The following SPRY4 variants were observed in gnomAD, a reference collection of about 807,000 sequenced individuals.
The protein encoded by SPRY4 is protein sprouty homolog 4.
In SPRY4, 7 loss-of-function variants were observed where a neutral mutation model predicts 17.0. The ratio of observed to expected loss-of-function variants is 0.41; its 90% CI spans 0.23 to 0.77. SPRY4 has a LOEUF of 0.77. SPRY4 is among the 30% of genes least tolerant of loss of function. SPRY4 has a pLI of 0.32. For synonymous variants in SPRY4, 183 were observed against 174.1 expected, an observed-to-expected ratio of 1.05 and a Z score of -0.40; for missense variants, 435 against 419.9, an observed-to-expected ratio of 1.04 and a Z score of -0.31.
intron 1 of SPRY4, among the ~76,000 whole-genome samples, chr5:142,320,103 C>T (rs957881163): frequency 1.3e-5 from 2 of 152,314 alleles, no homozygotes; most frequent in African/African-American, 2.4e-5. Context: ...ACCACTATTG[C>T]TTGGTTCTTT....
At chr5:142,323,967 C>T (rs1036407615) in intron 1 of SPRY4, 6 of 152,448 alleles carry the variant, frequency 3.9e-5, no homozygotes, top group Admixed American at 2.0e-4. Context: ...CCTTATCTCT[C>T]CTACATTCGC....
intron 1 of SPRY4, chr5:142,318,266 C>T (rs1759227413): frequency 1.3e-6 from 1 of 797,710 alleles, no homozygotes; most frequent in Non-Finnish European, 1.5e-6. Flanking sequence ...AGGCAGATCA[C>T]TTGAGGTCAG....
Position 142,315,306 on chromosome 5 carries a change from G to A in SPRY4, c.-47-151C>T, listed in dbSNP as rs1484956709. 3 of 587,918 alleles carry A rather than the reference G, an allele frequency of 5.1e-6. No individual in the cohort carries two copies. The Admixed American group carries it at 8.9e-5, about 17-fold the overall frequency. 36.4% of individuals were successfully genotyped at this position (587,918 alleles called of 1,614,324 possible). On this transcript the variant is annotated intron_variant, in intron 1 of 1. Transcript: ENST00000434127. ...TGTGGACTTTCCAGTGACTCCCCAA[G>A]CTTAAGATGATTAATAATGACAAGA...
rs1759069164 is a variant in SPRY4 at position 142,314,594 on chromosome 5, G to A, written c.515C>T (p.Ser172Phe). Reference protein sequence around the residue: ...CGKCKCKECASPRTLPSCWVC... With the variant: ...CGKCKCKECAFPRTLPSCWVC... The stretch of plus-strand genomic sequence containing the variant: ...CCAGCAGGAAGGCAACGTCCGGGGG[G>A]ATGCACACTCCTTGCATTTACACTT... The change falls in exon 2 of 2, where the codon TCC becomes TTC. Residue 172 changes from serine (S) to phenylalanine (F), a missense_variant. By Grantham distance (155) the Ser-to-Phe change is radical. Coordinates refer to ENST00000434127, the MANE Select transcript of SPRY4 (RefSeq NM_001127496.3). The surrounding 1 kb of genome is among the most constrained non-coding windows in gnomAD (Gnocchi z 4.8). 5.6e-6 allele frequency: 9 copies of A among 1,614,238 alleles called. No homozygotes were observed. Among genetic ancestry groups the A allele is most frequent in the East Asian group, 4.5e-5 (2 of 44,892 alleles).
In SPRY4 at chr5:142,314,714, T is replaced by C. The variant is rs1383253174; in HGVS notation, c.395A>G (p.Gln132Arg). 1.9e-6 allele frequency: 3 copies of C among 1,613,418 alleles called. No homozygotes were observed. The highest frequency in any genetic ancestry group is 1.7e-6 in the Non-Finnish European group (2 of 1,179,558). Residue 132 changes from glutamine to arginine, a missense_variant, in exon 2 of 2, where the codon CAG becomes CGG. Physicochemically the swap from Gln to Arg is conservative, Grantham distance 43 (BLOSUM62 1). Coordinates refer to ENST00000434127, the MANE Select transcript of SPRY4 (RefSeq NM_001127496.3). The surrounding 1 kb of genome is among the most constrained non-coding windows in gnomAD (Gnocchi z 4.8). ...DQASPRAVRI[Q>R]PKVVHCQPLD... Reference sequence around the variant, plus strand: ...CGGCTGGCAGTGGACCACCTTGGGCTGGATGCGCACAGCCCTTGGTGAGGC... The same window carrying C: ...CGGCTGGCAGTGGACCACCTTGGGCCGGATGCGCACAGCCCTTGGTGAGGC...
rs2126987073 is a variant in SPRY4 at position 142,314,467 on chromosome 5, G to A, written c.642C>T (p.Asp214=). The A allele has an allele frequency of 8.7e-6, 14 of 1,614,162 alleles. No individual in the cohort carries two copies. Among genetic ancestry groups the A allele is most frequent in the Non-Finnish European group, 1.2e-5 (14 of 1,180,020 alleles). The change falls in exon 2 of 2, where the codon GAC becomes GAT. Residue 214 remains aspartate (D), a synonymous_variant. Transcript: ENST00000434127. The surrounding 1 kb of genome is among the most constrained non-coding windows in gnomAD (Gnocchi z 4.8). ...QGIFYHCTNE[D]DEGSCADHPC... is the part of the protein sequence containing the mutation. The stretch of plus-strand genomic sequence containing the variant: ...GGTGGTCAGCGCAGGAGCCCTCATC[G>A]TCCTCATTCGTGCAGTGGTAGAAGA...
intron 1 of SPRY4, chr5:142,318,161 A>G: frequency 1.0e-6 from 1 of 984,424 alleles, no homozygotes. Context: ...CAGCTAAATG[A>G]TGTCTCAAAA....
At chr5:142,319,626 C>G in intron 1 of SPRY4, 1 of 1,393,778 alleles carries the variant, frequency 7.2e-7, no homozygotes, top group Admixed American at 2.1e-5. Flanking sequence ...CACAGAGAGT[C>G]CTAGAATACT....
At chr5:142,317,599 C>T in intron 1 of SPRY4, 1 of 985,188 alleles carries the variant, frequency 1.0e-6, no homozygotes, top group Non-Finnish European at 1.2e-6. Context: ...TAAAAGACTC[C>T]CTTTCCTTAA....
rs1181373992 is a variant in SPRY4 at position 142,315,110 on chromosome 5, G to A, written c.-2C>T. The A allele has an allele frequency of 4.4e-6, 7 of 1,609,048 alleles. No individual in the cohort carries two copies. Among genetic ancestry groups the A allele is most frequent in the East Asian group, 2.2e-5 (1 of 44,848 alleles). ...GCTCTGTGGGATCGGGGGCTCCATGGGGCTGGAGGTCCTGGACTGTACGGA... is the reference window on the plus strand; with the variant it reads ...GCTCTGTGGGATCGGGGGCTCCATGAGGCTGGAGGTCCTGGACTGTACGGA... On this transcript the variant is annotated 5_prime_UTR_variant, in exon 2 of 2. Transcript: ENST00000434127.
In SPRY4 at chr5:142,317,118, C is replaced by A. The variant is rs184371352; in HGVS notation, c.-47-1963G>T. On this transcript the variant is annotated intron_variant, in intron 1 of 1. Coordinates refer to ENST00000434127, the MANE Select transcript of SPRY4 (RefSeq NM_001127496.3). ...TAGCCACTTGCCAAAGCAGCCTCCC[C>A]TGGAGATCCTGTGGTCAGGGCTGGA... 8.1e-6 allele frequency: 8 copies of A among 985,474 alleles called. No individual in the cohort carries two copies. In the African/African-American group the frequency reaches 1.2e-4, roughly 15 times the overall value. The allele number at this position is 985,474 out of a possible 1,614,324, so 61.0% of individuals were successfully genotyped here.
intron 1 of SPRY4, 71 bp from the exon 2 acceptor site, chr5:142,315,226 A>AC (rs1759110989): frequency 9.9e-6 from 10 of 1,011,078 alleles, no homozygotes; most frequent in Admixed American, 2.7e-5. Context: ...CCAATACCTC[A>AC]CCCCCCATCA....
In SPRY4 at chr5:142,317,406, C is replaced by G. The variant is rs543938101; in HGVS notation, c.-47-2251G>C. 2.0e-5 allele frequency: 20 copies of G among 985,392 alleles called. No homozygotes were observed. The East Asian group carries it at 4.5e-4, about 22-fold the overall frequency. 61.0% of individuals were successfully genotyped at this position (985,392 alleles called of 1,614,324 possible). A position where few individuals can be genotyped will look rare whatever the true frequency, so the allele number is the denominator to read the frequency against. On this transcript the variant is annotated intron_variant, in intron 1 of 1. Coordinates refer to ENST00000434127, the MANE Select transcript of SPRY4 (RefSeq NM_001127496.3). ...ATGCCACGGATAAGATTCTCCAGCA[C>G]CAGCCAGAACCCTCACCCCCGGACA...
chr5:142,321,477 A>G (rs1160811037), intron 1 of SPRY4, among the ~76,000 whole-genome samples: 3 of 152,116 alleles, frequency 2.0e-5, no homozygotes, highest in African/African-American at 7.2e-5. Flanking sequence ...AACATATTCT[A>G]ATGAGTCACT....
At chr5:142,319,807 A>T (rs1172340060) in intron 1 of SPRY4, 4 of 1,606,866 alleles carry the variant, frequency 2.5e-6, no homozygotes, top group Non-Finnish European at 3.4e-6. Flanking sequence ...GAAAAGAATC[A>T]AGAGGCATGT....
chr5:142,322,201 G>T (rs193029041), intron 1 of SPRY4, among the ~76,000 whole-genome samples: 1 of 152,288 alleles, frequency 6.6e-6, no homozygotes, highest in East Asian at 1.9e-4. Context: ...ATATGAGGCC[G>T]GGCGTGGTGG....
chr5:142,319,115 C>T (rs1759258556), intron 1 of SPRY4, among the ~76,000 whole-genome samples: 1 of 152,194 alleles, frequency 6.6e-6, no homozygotes, highest in Admixed American at 6.5e-5. Flanking sequence ...CCCTGACTTA[C>T]AAAAGCCCTC....
chr5:142,312,217 G>A lies in SPRY4; in HGVS notation c.*1992C>T, dbSNP rs886868099. ...AATTCATATAAGTGGTTGGCTGAAT[G>A]TGTGTTTTTTTCTACCACTCCTTCT... is the stretch of plus-strand genomic sequence containing the variant. On this transcript the variant is annotated 3_prime_UTR_variant, in exon 2 of 2. Transcript: ENST00000434127. 1.3e-5 allele frequency: 2 copies of A among 152,586 alleles called. No homozygotes were observed. The highest frequency in any genetic ancestry group is 4.8e-5 in the African/African-American group (2 of 41,428). 9.5% of individuals were successfully genotyped at this position (152,586 alleles called of 1,614,324 possible).
intron 1 of SPRY4, chr5:142,317,200 T>A (rs1759182140): frequency 3.0e-6 from 3 of 985,456 alleles, no homozygotes; most frequent in Non-Finnish European, 3.6e-6. Flanking sequence ...ATCAGGCTGA[T>A]GACAACGTAG....
Sources: allele counts gnomAD v4.1 joint callset (sites outside exome capture counted in the v4.1 genomes callset), GRCh38; gene constraint gnomAD v4.1.1; non-coding constraint Gnocchi (gnomAD v3.1); transcripts MANE v1.5; gene names NCBI Gene and HGNC (gene_info 2026-07-23, HGNC 2026-07-21).